TRAPPC8: variants seen among roughly 807,000 people sequenced by gnomAD.
TRAPPC8 encodes the protein trafficking protein particle complex subunit 8.
Under a neutral mutation model 174.3 loss-of-function variants are expected in TRAPPC8, and 54 were observed. The ratio of observed to expected loss-of-function variants is 0.31; its 90% CI spans 0.25 to 0.39. The LOEUF is 0.39. Among genes scored for constraint, TRAPPC8 ranks in the 10% least tolerant of loss-of-function variants. The pLI, the probability that TRAPPC8 is intolerant of heterozygous loss-of-function variation, is 1.00. For synonymous variants in TRAPPC8, 630 were observed against 579.9 expected (o/e 1.09, Z -1.24); for missense variants, 1,531 against 1,699.1 (o/e 0.90, Z 1.74).
chr18:31,940,524 GCTA>G lies in TRAPPC8; in HGVS notation c.157+2081_157+2083del, dbSNP rs1419090533. On this transcript the variant is annotated intron_variant, in intron 1 of 28. Transcript: ENST00000283351. The stretch of plus-strand genomic sequence containing the variant: ...TGTTTCTTTTTACTTTTTTAATGTG[GCTA>G]CTAAAATTTTTTGTTGTTGTTGTTT... 2.0e-5 allele frequency among the ~76,000 whole-genome samples: 3 copies of G among 152,050 alleles called. No homozygotes were observed. In the East Asian group the frequency reaches 5.8e-4, roughly 29 times the overall value.
chr18:31,888,390 G>A (rs9948993), intron 12 of TRAPPC8, among the ~76,000 whole-genome samples: 6,690 of 152,130 alleles, frequency 0.044, 412 homozygotes, highest in African/African-American at 0.13. Context: ...AGTATTAGCC[G>A]AGCATGGTGA....
In TRAPPC8 at chr18:31,876,489, C is replaced by CAAAA. The variant is rs71175801; in HGVS notation, c.1729-1789_1729-1786dup. On this transcript the variant is annotated intron_variant, in intron 12 of 28. Coordinates refer to ENST00000283351, the MANE Select transcript of TRAPPC8 (RefSeq NM_014939.5). ...TGGGCTACACTGCGAGACTCCATCT[C>CAAAA]AAAAAAAAAAAAAAAAAAAAAAAGA... Among the ~76,000 whole-genome samples, 115 of 48,706 alleles carry CAAAA rather than the reference C, an allele frequency of 2.4e-3. 9 individuals are homozygous for CAAAA. The highest frequency in any genetic ancestry group is 8.6e-3 in the African/African-American group (91 of 10,622). 32.0% of individuals were successfully genotyped at this position (48,706 alleles called of 152,430 possible).
At chr18:31,928,500 G>A (rs1056624147) in intron 2 of TRAPPC8, among the ~76,000 whole-genome samples, 5 of 151,732 alleles carry the variant, frequency 3.3e-5, no homozygotes, top group African/African-American at 1.2e-4. Context: ...CCAGCCTTAG[G>A]GTGATAGAGT....
chr18:31,848,448 A>C (rs2033526804), intron 25 of TRAPPC8, among the ~76,000 whole-genome samples: 1 of 152,210 alleles, frequency 6.6e-6, no homozygotes, highest in Non-Finnish European at 1.5e-5. Flanking sequence ...AGATCGTTAT[A>C]CACTTATATA....
intron 11 of TRAPPC8, among the ~76,000 whole-genome samples, chr18:31,895,438 T>C (rs1391320844): frequency 2.6e-5 from 4 of 152,090 alleles, no homozygotes; most frequent in Admixed American, 6.5e-5. Context: ...CCCCACCACA[T>C]GGCAGCAAAT....
At chr18:31,941,467 C>A (rs939808968) in intron 1 of TRAPPC8, among the ~76,000 whole-genome samples, 2 of 151,774 alleles carry the variant, frequency 1.3e-5, no homozygotes, top group Admixed American at 6.6e-5. Flanking sequence ...AAATAAATAA[C>A]AAAAAAATAA....
chr18:31,852,140 G>A (rs935152236), intron 24 of TRAPPC8, among the ~76,000 whole-genome samples: 28 of 152,042 alleles, frequency 1.8e-4, no homozygotes, highest in African/African-American at 6.3e-4. Context: ...AGGAGCTGGA[G>A]ACAAGCCTGG....
At chr18:31,911,858 C>T (rs561033279) in intron 5 of TRAPPC8, among the ~76,000 whole-genome samples, 1 of 137,466 alleles carries the variant, frequency 7.3e-6, no homozygotes, top group Non-Finnish European at 1.5e-5. Context: ...GGCGACAGAG[C>T]GAGATCCTGT....
At chr18:31,915,548 G>C (rs2037102492) in intron 4 of TRAPPC8, among the ~76,000 whole-genome samples, 1 of 151,208 alleles carries the variant, frequency 6.6e-6, no homozygotes, top group South Asian at 2.1e-4. Context: ...GATTACTGAG[G>C]TCAAGAGTTC....
chr18:31,918,662 T>C (rs1396953744), intron 2 of TRAPPC8, among the ~76,000 whole-genome samples: 1 of 152,240 alleles, frequency 6.6e-6, no homozygotes, highest in Non-Finnish European at 1.5e-5. Flanking sequence ...TACTTGAATA[T>C]GACAGTAACA....
chr18:31,928,775 T>G (rs879689180), intron 2 of TRAPPC8, among the ~76,000 whole-genome samples: 38 of 152,156 alleles, frequency 2.5e-4, no homozygotes, highest in African/African-American at 4.1e-4. Flanking sequence ...TCTCTGCATC[T>G]CAATACAAAG....
intron 11 of TRAPPC8, 37 bp downstream of exon 11, chr18:31,897,748 CA>C (rs779457809): frequency 7.4e-7 from 1 of 1,352,062 alleles, no homozygotes; most frequent in Admixed American, 2.6e-5. Flanking sequence ...AAAAAAAGAA[CA>C]ATGCTAATTA....
intron 20 of TRAPPC8, among the ~76,000 whole-genome samples, chr18:31,856,048 C>A (rs2033989845): frequency 6.6e-6 from 1 of 152,104 alleles, no homozygotes; most frequent in Non-Finnish European, 1.5e-5. Context: ...TTATCAAATT[C>A]ATCTGTATAA....
At chr18:31,869,246 A>G (rs2034728013) in intron 16 of TRAPPC8, among the ~76,000 whole-genome samples, 1 of 152,198 alleles carries the variant, frequency 6.6e-6, no homozygotes, top group South Asian at 2.1e-4. Flanking sequence ...GAAAAGAAAA[A>G]AATATAAATG....
At position 31,917,683 on chromosome 18, in the gene TRAPPC8, T is replaced by G; in HGVS notation, c.353-16A>C. On this transcript the variant is annotated splice_polypyrimidine_tract_variant and intron_variant, in intron 2 of 28. Coordinates refer to ENST00000283351, the MANE Select transcript of TRAPPC8 (RefSeq NM_014939.5). ...GGAGTAGTGGCTAAAATTAACAATATACAAAACAGTTAAAAGTATTCAATA... is the reference window on the plus strand; with the variant it reads ...GGAGTAGTGGCTAAAATTAACAATAGACAAAACAGTTAAAAGTATTCAATA... The G allele has an allele frequency of 6.3e-7, 1 of 1,597,668 alleles. No homozygotes were observed. The highest frequency in any genetic ancestry group is 1.3e-5 in the African/African-American group (1 of 74,438).
At chr18:31,852,053 G>C (rs1016359164) in intron 24 of TRAPPC8, among the ~76,000 whole-genome samples, 1 of 152,086 alleles carries the variant, frequency 6.6e-6, no homozygotes, top group South Asian at 2.1e-4. Context: ...CAAAGAGTCT[G>C]AGGAGGCTGG....
intron 12 of TRAPPC8, among the ~76,000 whole-genome samples, 176 bp downstream of exon 12, chr18:31,890,559 T>C (rs1279512271): frequency 1.3e-5 from 2 of 152,082 alleles, no homozygotes; most frequent in African/African-American, 2.4e-5. Context: ...AAGTTGTGAG[T>C]AGAAGATCAA....
At chr18:31,860,880 T>TAA (rs1379040662) in intron 19 of TRAPPC8, among the ~76,000 whole-genome samples, 1 of 152,196 alleles carries the variant, frequency 6.6e-6, no homozygotes, top group Non-Finnish European at 1.5e-5. Flanking sequence ...CTTGTTCACA[T>TAA]AAATTAAGTA....
intron 1 of TRAPPC8, among the ~76,000 whole-genome samples, chr18:31,932,639 A>G (rs969223510): frequency 2.0e-5 from 3 of 152,168 alleles, no homozygotes; most frequent in Admixed American, 6.6e-5. Flanking sequence ...AAATGTGAGC[A>G]TATTTTTTCA....
Sources: gnomAD v4.1 joint callset for allele counts (sites outside exome capture counted in the v4.1 genomes callset) on GRCh38, gnomAD v4.1.1 for gene constraint, MANE v1.5 for transcripts, NCBI Gene and HGNC (gene_info 2026-07-23, HGNC 2026-07-21) for gene names.